The following PTPRD variants were observed in gnomAD, a reference collection of about 807,000 sequenced individuals.
PTPRD encodes the protein receptor-type tyrosine-protein phosphatase delta.
PTPRD carries 34 observed loss-of-function variants against 214.5 expected under a neutral mutation model. The ratio of observed to expected loss-of-function variants is 0.16; its 90% CI spans 0.12 to 0.21. The LOEUF (loss-of-function observed/expected upper bound fraction) is 0.21, where lower values mean the gene tolerates loss of function less well. Ranked by LOEUF, PTPRD falls within the 10% of genes least tolerant of loss-of-function variation. The pLI is 1.00. For synonymous variants in PTPRD, 1,128 were observed against 845.7 expected (o/e 1.33, Z -5.79); for missense variants, 2,545 against 2,398.7 (o/e 1.06, Z -1.27).
intron 18 of PTPRD, 154 bp downstream of exon 18, chr9:8,524,771 A>G (rs187257741): frequency 2.6e-5 from 20 of 772,246 alleles, no homozygotes; most frequent in Admixed American, 1.5e-4. Flanking sequence ...CACATTTTAA[A>G]TTTTTAACTT....
intron 11 of PTPRD, chr9:8,857,519 C>A (rs1361565072): frequency 6.6e-6 from 1 of 152,236 alleles, no homozygotes; most frequent in Non-Finnish European, 1.5e-5. Context: ...CTCGCGGAAA[C>A]GCGAGCGTGT....
intron 9 of PTPRD, among the ~76,000 whole-genome samples, chr9:9,314,311 T>A (rs978212140): frequency 6.6e-6 from 1 of 152,166 alleles, no homozygotes; most frequent in African/African-American, 2.4e-5. Context: ...ATTAGAATAC[T>A]GAATGAGTTG....
intron 7 of PTPRD, among the ~76,000 whole-genome samples, chr9:9,673,664 A>G (rs1014945576): frequency 6.6e-6 from 1 of 151,834 alleles, no homozygotes; most frequent in Non-Finnish European, 1.5e-5. Context: ...TGTATCAATG[A>G]AAATTAAAAA....
At chr9:9,092,927 T>A (rs769958983) in intron 10 of PTPRD, among the ~76,000 whole-genome samples, 1 of 151,998 alleles carries the variant, frequency 6.6e-6, no homozygotes, top group East Asian at 1.9e-4. Flanking sequence ...CTCTATTATA[T>A]GCTATTGACA....
intron 44 of PTPRD, among the ~76,000 whole-genome samples, chr9:8,331,303 A>G (rs1041210951): frequency 2.0e-5 from 3 of 152,190 alleles, no homozygotes; most frequent in African/African-American, 7.2e-5. Flanking sequence ...TAGGGGAGGT[A>G]CCAACAATTC....
intron 9 of PTPRD, among the ~76,000 whole-genome samples, chr9:9,195,107 T>TATATATATATAC (rs58832794): frequency 9.6e-4 from 135 of 141,182 alleles, no homozygotes; most frequent in Middle Eastern, 3.6e-3. Flanking sequence ...TATATATATA[T>TATATATATATAC]ACACACACAC....
intron 8 of PTPRD, among the ~76,000 whole-genome samples, chr9:9,556,845 G>T (rs918107243): frequency 6.6e-6 from 1 of 152,236 alleles, no homozygotes; most frequent in South Asian, 2.1e-4. Flanking sequence ...GCCTTGCAGG[G>T]TCCTTTCGTT....
intron 3 of PTPRD, among the ~76,000 whole-genome samples, chr9:10,299,650 C>T (rs1565133557): frequency 6.6e-6 from 1 of 152,108 alleles, no homozygotes; most frequent in South Asian, 2.1e-4. Context: ...AGACCATCAA[C>T]CCCATTAGGC....
intron 2 of PTPRD, among the ~76,000 whole-genome samples, chr9:10,607,621 T>C (rs942592102): frequency 4.0e-5 from 6 of 151,870 alleles, no homozygotes; most frequent in African/African-American, 1.4e-4. Context: ...GAGATACATA[T>C]CTACTTGCTG....
At chr9:8,894,605 T>A (rs2098590635) in intron 11 of PTPRD, among the ~76,000 whole-genome samples, 1 of 152,116 alleles carries the variant, frequency 6.6e-6, no homozygotes, top group Non-Finnish European at 1.5e-5. Context: ...AATTTTTGGT[T>A]GCACAGGTGT....
chr9:8,452,800 G>A (rs1010502730), intron 33 of PTPRD, among the ~76,000 whole-genome samples: 7 of 152,044 alleles, frequency 4.6e-5, no homozygotes, highest in Admixed American at 3.3e-4. Context: ...TCTGGTCTAC[G>A]GGGTATTTTG....
At chr9:8,774,557 G>T (rs376618581) in intron 11 of PTPRD, among the ~76,000 whole-genome samples, 1 of 88,026 alleles carries the variant, frequency 1.1e-5, no homozygotes, top group African/African-American at 4.6e-5. Flanking sequence ...TTTTTGAAAC[G>T]GAGTTTTGCT....
At chr9:10,238,769 T>C (rs2099637310) in intron 3 of PTPRD, among the ~76,000 whole-genome samples, 1 of 151,888 alleles carries the variant, frequency 6.6e-6, no homozygotes, top group African/African-American at 2.4e-5. Context: ...TAATTATGAG[T>C]TTTGAAGAAA....
intron 3 of PTPRD, among the ~76,000 whole-genome samples, chr9:10,097,150 A>G (rs190658859): frequency 6.9e-6 from 1 of 144,058 alleles, no homozygotes; most frequent in East Asian, 2.0e-4. Flanking sequence ...GCCTTGTAGT[A>G]TAGTTTGAAG....
chr9:9,257,003 T>A (rs1331491921), intron 9 of PTPRD, among the ~76,000 whole-genome samples: 1 of 152,032 alleles, frequency 6.6e-6, no homozygotes, highest in Non-Finnish European at 1.5e-5. Context: ...CAATTAATTC[T>A]TTAAGGGTTG....
intron 9 of PTPRD, among the ~76,000 whole-genome samples, chr9:9,370,218 C>G (rs773071719): frequency 6.6e-6 from 1 of 152,066 alleles, no homozygotes; most frequent in East Asian, 1.9e-4. Context: ...GCCATTTTCA[C>G]GATATTGATT....
intron 9 of PTPRD, among the ~76,000 whole-genome samples, chr9:9,259,148 T>C (rs1271491593): frequency 6.6e-6 from 1 of 151,836 alleles, no homozygotes; most frequent in East Asian, 2.0e-4. Context: ...CACTTGAAGA[T>C]CAGGGACATG....
At chr9:9,501,393 A>G (rs982096244) in intron 8 of PTPRD, among the ~76,000 whole-genome samples, 2 of 152,008 alleles carry the variant, frequency 1.3e-5, no homozygotes, top group Admixed American at 6.6e-5. Context: ...ATATTTATTA[A>G]TTATAAACAG....
At chr9:9,899,492 C>T (rs1244220763) in intron 5 of PTPRD, among the ~76,000 whole-genome samples, 1 of 152,040 alleles carries the variant, frequency 6.6e-6, no homozygotes, top group Non-Finnish European at 1.5e-5. Context: ...ATTAAAGCCA[C>T]TGTGAGATAT....
Sources: allele counts gnomAD v4.1 joint callset (sites outside exome capture counted in the v4.1 genomes callset), GRCh38; gene constraint gnomAD v4.1.1; transcripts MANE v1.5; gene names NCBI Gene and HGNC (gene_info 2026-07-23, HGNC 2026-07-21).